Variants in NDUFAF6 observed in about 807,000 individuals in gnomAD.
NDUFAF6 encodes NADH:ubiquinone oxidoreductase complex assembly factor 6.
In NDUFAF6, 45 loss-of-function variants were observed where a neutral mutation model predicts 40.8. The ratio of observed to expected loss-of-function variants is 1.10; its 90% CI spans 0.87 to 1.42. The LOEUF (loss-of-function observed/expected upper bound fraction) is 1.42, where lower values mean the gene tolerates loss of function less well. Among genes scored for constraint, NDUFAF6 ranks in the 40% most tolerant of loss-of-function variants. The pLI is 0.00. For synonymous variants in NDUFAF6, 185 were observed against 155.9 expected (o/e 1.19, Z -1.39); for missense variants, 435 against 418.5 (o/e 1.04, Z -0.34).
At chr8:95,015,770 A>G (rs1216377055) in intron 2 of NDUFAF6, among the ~76,000 whole-genome samples, 1 of 152,246 alleles carries the variant, frequency 6.6e-6, no homozygotes, top group East Asian at 1.9e-4. Flanking sequence ...ATAAGTACCA[A>G]GAAGGAAAAG....
At chr8:95,036,471 A>G (rs1272221555) in intron 3 of NDUFAF6, 2 of 1,289,406 alleles carry the variant, frequency 1.6e-6, no homozygotes, top group South Asian at 1.2e-5. Context: ...CTGGGGATTG[A>G]GAAGAAAAAG....
intron 3 of NDUFAF6, chr8:95,036,350 C>T (rs1265980964): frequency 1.6e-6 from 2 of 1,288,938 alleles, no homozygotes; most frequent in Admixed American, 2.3e-5. Flanking sequence ...ACAGACCTGA[C>T]AGTGGTACAC....
intron 1 of NDUFAF6, among the ~76,000 whole-genome samples, chr8:94,920,759 C>T (rs1819445271): frequency 6.6e-6 from 1 of 152,242 alleles, no homozygotes; most frequent in African/African-American, 2.4e-5. Context: ...ACACTGCTCA[C>T]AGGCTGTGTT....
At position 95,052,514 on chromosome 8, in the gene NDUFAF6, G is replaced by T. The variant is rs10097223; in HGVS notation, c.873+284G>T. 0.03 allele frequency among the ~76,000 whole-genome samples: 4,633 copies of T among 152,166 alleles called. 240 individuals are homozygous for T. Among genetic ancestry groups the T allele is most frequent in the African/African-American group, 0.1 (4,307 of 41,474 alleles). On this transcript the variant is annotated intron_variant, in intron 8 of 8. Transcript: ENST00000396124. Reference sequence around the variant, plus strand: ...AGCAATGGGACCTTAAATTCCTTAAGAACCACATTCCTCAGTTTACTCTTA... The same window carrying T: ...AGCAATGGGACCTTAAATTCCTTAATAACCACATTCCTCAGTTTACTCTTA...
At chr8:94,966,530 G>C (rs543926158) in intron 1 of NDUFAF6, among the ~76,000 whole-genome samples, 119 of 152,312 alleles carry the variant, frequency 7.8e-4, no homozygotes, top group Non-Finnish European at 1.3e-3. Context: ...GAAGTTTGAG[G>C]CTACAGTGAG....
upstream of NDUFAF6, among the ~76,000 whole-genome samples, chr8:95,023,894 G>A (rs1827808217): frequency 6.6e-6 from 1 of 152,054 alleles, no homozygotes; most frequent in Admixed American, 6.5e-5. Flanking sequence ...GGGAGGCTGA[G>A]GCGGGAGAAT....
chr8:95,019,557 G>C (rs571513648), intron 2 of NDUFAF6, among the ~76,000 whole-genome samples: 1 of 152,212 alleles, frequency 6.6e-6, no homozygotes, highest in East Asian at 1.9e-4. Context: ...TTTGGTAGGT[G>C]TGAAAAGATA....
intron 1 of NDUFAF6, among the ~76,000 whole-genome samples, chr8:94,917,032 ACCCAGGAGGCAGAGC>A: frequency 6.8e-6 from 1 of 148,084 alleles, no homozygotes; most frequent in African/African-American, 2.5e-5. Context: ...AGAATCCTCT[ACCCAGGAGGCAGAGC>A]TGGCAGTGAT....
intron 1 of NDUFAF6, among the ~76,000 whole-genome samples, chr8:94,914,567 A>G (rs1036281407): frequency 6.6e-6 from 1 of 152,174 alleles, no homozygotes; most frequent in Non-Finnish European, 1.5e-5. Context: ...AGCATTGTGA[A>G]ATGTTTTTCC....
downstream of NDUFAF6, among the ~76,000 whole-genome samples, chr8:95,117,063 A>T (rs534228687): frequency 6.6e-6 from 1 of 152,334 alleles, no homozygotes; most frequent in Admixed American, 6.5e-5. Context: ...CCTGGGCTTC[A>T]TACTAATGGG....
intron 4 of NDUFAF6, 82 bp downstream of exon 4, chr8:95,041,708 CTG>C (rs1443219962): frequency 5.2e-6 from 6 of 1,148,150 alleles, no homozygotes; most frequent in Non-Finnish European, 7.9e-6. Context: ...CATTTTTTGA[CTG>C]TATATTAATA....
chr8:95,041,569 G>T lies in NDUFAF6; in HGVS notation c.421-1G>T. The T allele has an allele frequency of 5.6e-6, 9 of 1,602,436 alleles. No homozygotes were observed. Among genetic ancestry groups the T allele is most frequent in the Non-Finnish European group, 6.8e-6 (8 of 1,169,824 alleles). On this transcript the variant is annotated splice_acceptor_variant, in intron 3 of 8. Coordinates refer to ENST00000396124, the MANE Select transcript of NDUFAF6 (RefSeq NM_152416.4). LOFTEE classifies it high-confidence loss of function. ...AACTTATAATGCTCTTTGTTTTTTA[G>T]GCTGTTAAAAGACATAATCTGACTA...
chr8:95,089,317 T>C (rs1031462328), intron 2 of NDUFAF6, among the ~76,000 whole-genome samples: 4 of 151,624 alleles, frequency 2.6e-5, no homozygotes, highest in African/African-American at 9.7e-5. Flanking sequence ...CTCATGAACT[T>C]CTGCCTCCGC....
downstream of NDUFAF6, among the ~76,000 whole-genome samples, chr8:95,107,567 G>A (rs184135325): frequency 5.9e-4 from 89 of 151,996 alleles, no homozygotes; most frequent in African/African-American, 2.0e-3. Context: ...ACTATGGCAC[G>A]TGTATACCTA....
intron 2 of NDUFAF6, among the ~76,000 whole-genome samples, chr8:95,087,163 G>A (rs753429780): frequency 2.6e-5 from 4 of 151,884 alleles, no homozygotes; most frequent in Non-Finnish European, 4.4e-5. Context: ...ACACACAGGC[G>A]CTCTCATTCT....
At chr8:95,089,879 G>T (rs970330182) in intron 2 of NDUFAF6, among the ~76,000 whole-genome samples, 2 of 152,142 alleles carry the variant, frequency 1.3e-5, no homozygotes, top group Non-Finnish European at 2.9e-5. Context: ...CAACAGTGGG[G>T]CCCATGTGTT....
At chr8:95,014,994 C>G (rs1311922774) in intron 2 of NDUFAF6, among the ~76,000 whole-genome samples, 1 of 152,196 alleles carries the variant, frequency 6.6e-6, no homozygotes, top group Non-Finnish European at 1.5e-5. Context: ...CATGTGTCAA[C>G]ACCTGCAGTA....
chr8:95,106,428 T>C (rs765221862), downstream of NDUFAF6, among the ~76,000 whole-genome samples: 17 of 152,176 alleles, frequency 1.1e-4, no homozygotes, highest in Non-Finnish European at 2.2e-4. Context: ...TGGCTAGCCA[T>C]ATGCAGAAAA....
At chr8:94,957,617 GT>G (rs1823192939), upstream of NDUFAF6, among the ~76,000 whole-genome samples, 1 of 152,204 alleles carries the variant, frequency 6.6e-6, no homozygotes, top group Admixed American at 6.5e-5. Flanking sequence ...CAGCAAGATG[GT>G]CTACAGCAGA....
Sources: allele counts gnomAD v4.1 joint callset (sites outside exome capture counted in the v4.1 genomes callset), GRCh38; gene constraint gnomAD v4.1.1; transcripts MANE v1.5; gene names NCBI Gene and HGNC (gene_info 2026-07-23, HGNC 2026-07-21).